The following ANKRD44 variants were observed in gnomAD, a reference collection of about 807,000 sequenced individuals.
The protein encoded by ANKRD44 is ankyrin repeat domain 44.
Under a neutral mutation model 116.0 loss-of-function variants are expected in ANKRD44, and 35 were observed. That is an observed-to-expected ratio of 0.30 (90% CI 0.23 to 0.40). The LOEUF (loss-of-function observed/expected upper bound fraction) is 0.40. Among genes scored for constraint, ANKRD44 ranks in the 10% least tolerant of loss-of-function variants. The probability of loss-of-function intolerance (pLI) is 1.00; values close to 1 mark genes in which losing one functional copy is unlikely to be tolerated. For missense variants in ANKRD44, 1,014 were observed against 1,242.6 expected, an observed-to-expected ratio of 0.82 and a Z score of 2.77; for synonymous variants, 435 against 461.8, an observed-to-expected ratio of 0.94 and a Z score of 0.74.
chr2:196,994,931 C>A (rs953894983), intron 26 of ANKRD44: 1 of 152,824 alleles, frequency 6.5e-6, no homozygotes, highest in Non-Finnish European at 1.5e-5. Context: ...AAGGGTTACA[C>A]TGAATTATAT....
chr2:197,254,612 C>T (rs899501094), intron 1 of ANKRD44, among the ~76,000 whole-genome samples: 1 of 146,590 alleles, frequency 6.8e-6, no homozygotes, highest in South Asian at 2.1e-4. Flanking sequence ...CACACACACA[C>T]ACACACACAC....
At chr2:197,120,443 A>G (rs1218539876) in intron 8 of ANKRD44, among the ~76,000 whole-genome samples, 2 of 152,210 alleles carry the variant, frequency 1.3e-5, no homozygotes, top group African/African-American at 2.4e-5. Flanking sequence ...TGAGGCCAAG[A>G]GTTTGAGACC....
At chr2:197,231,134 A>G (rs1236487220) in intron 1 of ANKRD44, among the ~76,000 whole-genome samples, 2 of 152,186 alleles carry the variant, frequency 1.3e-5, no homozygotes, top group South Asian at 2.1e-4. Context: ...GGATAAATCA[A>G]TCTGAGGGCT....
At chr2:197,015,697 G>A (rs180931883) in intron 17 of ANKRD44, 2 of 556,090 alleles carry the variant, frequency 3.6e-6, no homozygotes, top group African/African-American at 1.9e-5. Context: ...TGGATTTGGA[G>A]GTGATGGTGG....
intron 10 of ANKRD44, chr2:197,099,517 G>A (rs2078240192): frequency 9.2e-7 from 1 of 1,081,352 alleles, no homozygotes; most frequent in Admixed American, 4.8e-5. Context: ...TGTTTAATAT[G>A]AAGCATTGGG....
chr2:197,253,934 T>TC (rs1432089655), intron 1 of ANKRD44, among the ~76,000 whole-genome samples: 1 of 152,220 alleles, frequency 6.6e-6, no homozygotes, highest in Non-Finnish European at 1.5e-5. Flanking sequence ...ACACTCATAA[T>TC]CCGCACAGGG....
At chr2:197,064,871 A>T (rs957023483) in intron 16 of ANKRD44, among the ~76,000 whole-genome samples, 7 of 152,128 alleles carry the variant, frequency 4.6e-5, no homozygotes, top group African/African-American at 1.7e-4. Flanking sequence ...TTAACACCCC[A>T]CTGTTAACAT....
At chr2:197,070,699 G>A (rs373121844) in intron 16 of ANKRD44, among the ~76,000 whole-genome samples, 204 of 148,196 alleles carry the variant, frequency 1.4e-3, no homozygotes, top group African/African-American at 4.6e-3. Context: ...GCTCGCTCTC[G>A]CTCTCTGTGT....
downstream of ANKRD44, among the ~76,000 whole-genome samples, chr2:196,985,804 T>C (rs534723345): frequency 8.1e-4 from 124 of 152,292 alleles, no homozygotes; most frequent in African/African-American, 2.7e-3. Context: ...TGTTCCTTAG[T>C]GCTTCCAGAG....
chr2:197,014,249 T>C (rs529787149), intron 17 of ANKRD44, among the ~76,000 whole-genome samples: 18 of 152,350 alleles, frequency 1.2e-4, no homozygotes, highest in African/African-American at 4.1e-4. Flanking sequence ...AGTTTCTTAA[T>C]TTCACTTAGA....
At chr2:197,216,739 C>G (rs1417247067) in intron 1 of ANKRD44, among the ~76,000 whole-genome samples, 1 of 152,080 alleles carries the variant, frequency 6.6e-6, no homozygotes, top group Admixed American at 6.6e-5. Flanking sequence ...ACTACCTTTT[C>G]TGGACTTTTT....
chr2:197,048,664 C>CT lies in ANKRD44; in HGVS notation c.1651-23398dup, dbSNP rs530054079. On this transcript the variant is annotated intron_variant, in intron 16 of 27. Coordinates refer to ENST00000282272, the MANE Select transcript of ANKRD44 (RefSeq NM_001195144.2). Reference sequence around the variant, plus strand: ...GCAATAAACATACACGTGCATGTGTCTTTATGACAGCATGATTTATAATCC... The same window carrying CT: ...GCAATAAACATACACGTGCATGTGTCTTTTATGACAGCATGATTTATAATCC... Among the ~76,000 whole-genome samples the CT allele has an allele frequency of 5.9e-5, 9 of 152,284 alleles. No homozygotes were observed. The East Asian group carries it at 1.5e-3, about 26-fold the overall frequency.
intron 1 of ANKRD44, among the ~76,000 whole-genome samples, chr2:197,281,203 A>G (rs1239828849): frequency 6.6e-6 from 1 of 152,198 alleles, no homozygotes; most frequent in Non-Finnish European, 1.5e-5. Context: ...ACTTTGGGAG[A>G]TGATCTTATA....
At chr2:197,244,353 C>T (rs2082147085) in intron 1 of ANKRD44, among the ~76,000 whole-genome samples, 1 of 152,206 alleles carries the variant, frequency 6.6e-6, no homozygotes, top group Admixed American at 6.5e-5. Context: ...CCACTTCCCA[C>T]CTTCTTATTA....
At position 196,994,725 on chromosome 2, in the gene ANKRD44, G is replaced by A. The variant is rs149093228; in HGVS notation, c.2831+654C>T. Reference sequence around the variant, plus strand: ...TTTAGTAGAGACGGGGTTTCACCATGTTGGCCAGGCGGGTCATGAACTCCT... The same window carrying A: ...TTTAGTAGAGACGGGGTTTCACCATATTGGCCAGGCGGGTCATGAACTCCT... On this transcript the variant is annotated intron_variant, in intron 26 of 27. Coordinates refer to ENST00000282272, the MANE Select transcript of ANKRD44 (RefSeq NM_001195144.2). The A allele has an allele frequency of 5.3e-3, 814 of 152,302 alleles. 3 individuals carry two copies. Among genetic ancestry groups the A allele is most frequent in the Middle Eastern group, 0.014 (4 of 294 alleles). 9.4% of individuals were successfully genotyped at this position (152,302 alleles called of 1,614,324 possible).
chr2:197,059,420 T>G, intron 16 of ANKRD44, among the ~76,000 whole-genome samples: 1 of 152,218 alleles, frequency 6.6e-6, no homozygotes. Flanking sequence ...AACATTTTAG[T>G]GATTCTAGCC....
At chr2:197,154,134 T>G (rs2125461672) in intron 2 of ANKRD44, among the ~76,000 whole-genome samples, 1 of 152,050 alleles carries the variant, frequency 6.6e-6, no homozygotes, top group East Asian at 1.9e-4. Context: ...TTTAGTTCCT[T>G]TTCCTAACAT....
intron 2 of ANKRD44, among the ~76,000 whole-genome samples, chr2:197,180,499 G>T (rs2080476979): frequency 6.6e-6 from 1 of 152,116 alleles, no homozygotes; most frequent in Non-Finnish European, 1.5e-5. Flanking sequence ...ATTCCCTGCA[G>T]CCTCCTTACT....
rs58942301 is a variant in ANKRD44 at position 196,987,840 on chromosome 2, A to AT, written c.*1750dup. The AT allele has an allele frequency of 0.12, 118,116 of 979,576 alleles. 6,689 individuals are homozygous for AT. The highest frequency in any genetic ancestry group is 0.17 in the African/African-American group (9,972 of 57,050). The allele number at this position is 979,576 out of a possible 1,614,324, so 60.7% of individuals were successfully genotyped here. A position where few individuals can be genotyped will look rare whatever the true frequency, so the allele number is the denominator to read the frequency against. ...GCAACTAAGACTCAGTTAAAAACAC[A>AT]TTTTTTTTTCTTAGAAAGCTATGGT... On this transcript the variant is annotated 3_prime_UTR_variant, in exon 28 of 28. Transcript: ENST00000282272.
Sources: allele counts gnomAD v4.1 joint callset (sites outside exome capture counted in the v4.1 genomes callset), GRCh38; gene constraint gnomAD v4.1.1; transcripts MANE v1.5; gene names NCBI Gene and HGNC (gene_info 2026-07-23, HGNC 2026-07-21).